The following CIMAP1D variants were observed in gnomAD, a reference collection of about 807,000 sequenced individuals.
The protein encoded by CIMAP1D is protein CIMAP1D.
At chr19:470,861 GC>G in the CIMAP1D span, among the ~76,000 whole-genome samples, 1 of 152,246 alleles carries the variant, frequency 6.6e-6, no homozygotes, top group African/African-American at 2.4e-5. Flanking sequence ...CGGGGTCCAC[GC>G]CGGAGCTGCT....
chr19:472,437 C>A, the CIMAP1D span: 1 of 1,547,336 alleles, frequency 6.5e-7, no homozygotes, highest in South Asian at 1.2e-5. Flanking sequence ...GACTGGCCAC[C>A]CTGGTGCAGT....
chr19:468,302 G>C, the CIMAP1D span, among the ~76,000 whole-genome samples: 1 of 152,076 alleles, frequency 6.6e-6, no homozygotes, highest in Non-Finnish European at 1.5e-5. Context: ...GGAGGTTGAG[G>C]CTGCAGTGAG....
chr19:472,250 G>A, the CIMAP1D span: 3 of 427,392 alleles, frequency 7.0e-6, no homozygotes, highest in Non-Finnish European at 8.3e-6. Flanking sequence ...GTAGGAGGTG[G>A]AGCAGGTTGT....
the CIMAP1D span, chr19:464,067 CGGTA>C: frequency 6.4e-7 from 1 of 1,561,582 alleles, no homozygotes; most frequent in African/African-American, 1.5e-5. Flanking sequence ...CAGGCGCTGG[CGGTA>C]GGTGTTTGCG....
chr19:474,569 TG>T, the CIMAP1D span: 1 of 1,430,744 alleles, frequency 7.0e-7, no homozygotes, highest in Non-Finnish European at 9.3e-7. Context: ...CCCAGAAGTA[TG>T]GGGAGTGGAG....
At chr19:471,425 G>C in the CIMAP1D span, among the ~76,000 whole-genome samples, 3,753 of 151,012 alleles carry the variant, frequency 0.025, 74 homozygotes, top group East Asian at 0.09. Context: ...TGGGATTACA[G>C]GGGTGAGCCA....
At chr19:464,005 TCTC>T in the CIMAP1D span, 8 of 1,608,594 alleles carry the variant, frequency 5.0e-6, no homozygotes, top group Non-Finnish European at 6.8e-6. Context: ...GGGCCGGGGG[TCTC>T]CTCCAGGGGT....
At chr19:465,702 T>G in the CIMAP1D span, among the ~76,000 whole-genome samples, 20 of 91,968 alleles carry the variant, frequency 2.2e-4, no homozygotes, top group Middle Eastern at 0.019. Flanking sequence ...TGTGGGTGGG[T>G]GGGTGGATAG....
the CIMAP1D span, among the ~76,000 whole-genome samples, chr19:490,618 G>C: frequency 6.6e-6 from 1 of 152,188 alleles, no homozygotes; most frequent in East Asian, 1.9e-4. Context: ...CCTAGCTGTT[G>C]CACATGTTTT....
chr19:487,706 G>A, the CIMAP1D span, among the ~76,000 whole-genome samples: 2 of 151,994 alleles, frequency 1.3e-5, no homozygotes, highest in Non-Finnish European at 2.9e-5. Flanking sequence ...GGGATCAGCT[G>A]AGGTCAGGAG....
At chr19:464,240 G>A in the CIMAP1D span, 1 of 1,531,164 alleles carries the variant, frequency 6.5e-7, no homozygotes, top group Non-Finnish European at 8.8e-7. Flanking sequence ...TAGGGGCAGG[G>A]GCTGAGGTGT....
the CIMAP1D span, among the ~76,000 whole-genome samples, chr19:469,049 T>TA: frequency 6.6e-6 from 1 of 152,102 alleles, no homozygotes; most frequent in Non-Finnish European, 1.5e-5. Context: ...TACTTGCACA[T>TA]ACGCTGTGGT....
the CIMAP1D span, chr19:472,393 C>T: frequency 7.2e-6 from 11 of 1,528,658 alleles, no homozygotes; most frequent in Non-Finnish European, 9.7e-6. Flanking sequence ...GCCCGCCTTA[C>T]CCTCACTGGG....
chr19:472,517 C>T, the CIMAP1D span: 62 of 1,513,088 alleles, frequency 4.1e-5, no homozygotes, highest in Non-Finnish European at 5.1e-5. Context: ...GCCCAAAGCC[C>T]TCAGGTCACC....
the CIMAP1D span, among the ~76,000 whole-genome samples, chr19:486,838 C>T: frequency 0.048 from 7,214 of 151,776 alleles, 232 homozygotes; most frequent in Non-Finnish European, 0.071. Context: ...GACGTGAACC[C>T]GGGAGGCGGA....
chr19:465,692 T>G, the CIMAP1D span, among the ~76,000 whole-genome samples: 124 of 57,666 alleles, frequency 2.2e-3, no homozygotes, highest in Admixed American at 2.3e-3. Flanking sequence ...TAGATGGTTG[T>G]GTGGGTGGGT....
chr19:472,569 C>A, the CIMAP1D span: 3 of 1,165,610 alleles, frequency 2.6e-6, no homozygotes, highest in East Asian at 5.8e-5. Flanking sequence ...CTGGACCCAG[C>A]TCCTGAGCCT....
the CIMAP1D span, among the ~76,000 whole-genome samples, chr19:479,073 G>A: frequency 6.6e-6 from 1 of 152,192 alleles, no homozygotes; most frequent in South Asian, 2.1e-4. Context: ...TGAGGGCCGT[G>A]ATCAACTCAG....
the CIMAP1D span, chr19:472,345 G>T: frequency 8.9e-7 from 1 of 1,123,140 alleles, no homozygotes; most frequent in Non-Finnish European, 1.2e-6. Context: ...CTCCTGGGGG[G>T]AGATTGGAGG....
Sources: gnomAD v4.1 joint callset for allele counts (sites outside exome capture counted in the v4.1 genomes callset) on GRCh38, gnomAD v4.1.1 for gene constraint, MANE v1.5 for transcripts, NCBI Gene and HGNC (gene_info 2026-07-23, HGNC 2026-07-21) for gene names.